The following ZNF229 variants were observed in gnomAD, a reference collection of about 807,000 sequenced individuals.
The protein encoded by ZNF229 is zinc finger protein 229.
In ZNF229, 10 loss-of-function variants were observed where a neutral mutation model predicts 11.8. That is an observed-to-expected ratio of 0.85 (90% CI 0.52 to 1.44). ZNF229 has a LOEUF of 1.44. Ranked by LOEUF, ZNF229 falls within the 40% of genes most tolerant of loss-of-function variation. The probability of loss-of-function intolerance (pLI) is 0.00; values close to 1 mark genes in which losing one functional copy is unlikely to be tolerated. For synonymous variants in ZNF229, 368 were observed against 374.8 expected, an observed-to-expected ratio of 0.98 and a Z score of 0.21; for missense variants, 1,045 against 1,015.1, an observed-to-expected ratio of 1.03 and a Z score of -0.40.
intron 2 of ZNF229, among the ~76,000 whole-genome samples, chr19:44,445,145 C>T (rs1473951155): frequency 1.3e-5 from 2 of 152,184 alleles, no homozygotes; most frequent in Non-Finnish European, 2.9e-5. Flanking sequence ...TCGTACTCTA[C>T]ATCCAATCCA....
chr19:44,440,924 CAT>C (rs1176866388), intron 4 of ZNF229, among the ~76,000 whole-genome samples: 1 of 151,958 alleles, frequency 6.6e-6, no homozygotes, highest in Non-Finnish European at 1.5e-5. Context: ...AAGATTTTAC[CAT>C]GTTGCCCAGG....
At chr19:44,436,636 A>G (rs1452734658) in intron 4 of ZNF229, among the ~76,000 whole-genome samples, 1 of 151,720 alleles carries the variant, frequency 6.6e-6, no homozygotes, top group Non-Finnish European at 1.5e-5. Context: ...AAAATAAGCT[A>G]GGTGTGATGG....
Position 44,428,592 on chromosome 19 carries a change from T to C in ZNF229, c.2189A>G (p.His730Arg), listed in dbSNP as rs745398884. Reference sequence around the variant, plus strand: ...CTTCTCGCCAGTGTGCACTCTCTTATGACTAAGGAGACCTGAGCCATATCT... The same window carrying C: ...CTTCTCGCCAGTGTGCACTCTCTTACGACTAAGGAGACCTGAGCCATATCT... ...GFRYGSGLLS[H>R]KRVHTGEKPY... The change falls in exon 6 of 6, where the codon CAT becomes CGT. Residue 730 changes from histidine to arginine, a missense_variant. By Grantham distance (29) the His-to-Arg change is conservative (BLOSUM62 0). Transcript: ENST00000614049. 6.2e-7 allele frequency: 1 copy of C among 1,613,822 alleles called. No individual in the cohort carries two copies. The highest frequency in any genetic ancestry group is 1.3e-5 in the African/African-American group (1 of 74,802).
chr19:44,429,648 T>G lies in ZNF229; in HGVS notation c.1133A>C (p.Lys378Thr). 1.2e-6 allele frequency: 2 copies of G among 1,614,074 alleles called. No homozygotes were observed. Among genetic ancestry groups the G allele is most frequent in the Non-Finnish European group, 8.5e-7 (1 of 1,180,006 alleles). Residue 378 changes from lysine to threonine, a missense_variant, in exon 6 of 6, where the codon AAA becomes ACA. Transcript: ENST00000614049. The stretch of plus-strand genomic sequence containing the variant: ...AAATGCCTTCCCACACTCCTCACAT[T>G]TATAGGGTCTCCTTCCTGTGTGCAC... ...QGVHTGRRPY[K>T]CEECGKAFGR...
chr19:44,429,612 G>T lies in ZNF229; in HGVS notation c.1169C>A (p.Ser390Ter). The T allele has an allele frequency of 6.2e-7, 1 of 1,614,116 alleles. No individual in the cohort carries two copies. Among genetic ancestry groups the T allele is most frequent in the South Asian group, 1.1e-5 (1 of 91,082 alleles). Residue 390 changes from serine (S) to a stop codon, truncating the protein, a stop_gained, in exon 6 of 6, where the codon TCA becomes TAA. Coordinates refer to ENST00000614049, the MANE Select transcript of ZNF229 (RefSeq NM_014518.4). LOFTEE classifies it low-confidence loss of function (END_TRUNC). The part of the protein sequence containing the change: ...EECGKAFGRS[S>*]NLLVHQRVHT... ...GACCCTCTGATGGACAAGCAGGTTT[G>T]AACTTCGACCAAATGCCTTCCCACA...
chr19:44,431,141 A>G (rs1400599403), intron 5 of ZNF229, among the ~76,000 whole-genome samples: 1 of 152,008 alleles, frequency 6.6e-6, no homozygotes, highest in Non-Finnish European at 1.5e-5. Flanking sequence ...AGGGTGCCAA[A>G]TTTTCCAAAG....
chr19:44,428,492 A>G lies in ZNF229; in HGVS notation c.2289T>C (p.Thr763=). The change falls in exon 6 of 6, where the codon ACT becomes ACC. Residue 763 remains threonine (T), a synonymous_variant. Transcript: ENST00000614049. ...SHLQGHQRVH[T]GEKPYKCEEC... is the part of the protein sequence containing the mutation. ...CCTCACATTTATAGGGTTTCTCACCAGTGTGGACCCTCTGATGACCTTGAA... is the reference window on the plus strand; with the variant it reads ...CCTCACATTTATAGGGTTTCTCACCGGTGTGGACCCTCTGATGACCTTGAA... The G allele has an allele frequency of 6.2e-7, 1 of 1,613,668 alleles. No homozygotes were observed. The highest frequency in any genetic ancestry group is 1.1e-5 in the South Asian group (1 of 91,042).
At chr19:44,446,080 G>A (rs1329904341) in intron 2 of ZNF229, among the ~76,000 whole-genome samples, 2 of 152,184 alleles carry the variant, frequency 1.3e-5, no homozygotes, top group Admixed American at 1.3e-4. Flanking sequence ...TACATTTCTG[G>A]ACTGCATGGA....
At chr19:44,431,353 T>C (rs1331534983) in intron 5 of ZNF229, among the ~76,000 whole-genome samples, 1 of 152,170 alleles carries the variant, frequency 6.6e-6, no homozygotes, top group Non-Finnish European at 1.5e-5. Context: ...TTTCTGATAT[T>C]CTTTATTGCC....
At chr19:44,444,373 C>A (rs1971969907) in intron 2 of ZNF229, among the ~76,000 whole-genome samples, 1 of 152,208 alleles carries the variant, frequency 6.6e-6, no homozygotes, top group Non-Finnish European at 1.5e-5. Context: ...CTCTAACCAT[C>A]TGTACCAGCC....
rs1434710866 is a variant in ZNF229, at chr19:44,428,735, C to T, written c.2046G>A (p.Lys682=). 2.5e-6 allele frequency: 4 copies of T among 1,613,734 alleles called. No homozygotes were observed. Among genetic ancestry groups the T allele is most frequent in the Non-Finnish European group, 2.5e-6 (3 of 1,179,998 alleles). Residue 682 remains lysine, a synonymous_variant, in exon 6 of 6, where the codon AAG becomes AAA. Transcript: ENST00000614049. The part of the protein sequence containing the change: ...HKHQRVHTGK[K]PYTCDQCGKG... ...TGCCACACTGATCACACGTATAGGG[C>T]TTTTTTCCCGTGTGGACTCGCTGAT...
intron 4 of ZNF229, 85 bp downstream of exon 4, chr19:44,442,478 T>C: frequency 6.9e-7 from 1 of 1,450,704 alleles, no homozygotes; most frequent in South Asian, 1.2e-5. Flanking sequence ...CATTTTTCGC[T>C]CTTTTTCCTT....
At chr19:44,443,099 C>G (rs2123379958) in intron 2 of ZNF229, 75 bp from the exon 3 acceptor site, 2 of 573,566 alleles carry the variant, frequency 3.5e-6, no homozygotes, top group East Asian at 5.7e-5. Flanking sequence ...CCCCTGGATA[C>G]TATTCATTCA....
chr19:44,430,286 A>C lies in ZNF229; in HGVS notation c.495T>G (p.Leu165=). The C allele has an allele frequency of 1.2e-6, 2 of 1,614,118 alleles. No homozygotes were observed. The highest frequency in any genetic ancestry group is 1.7e-6 in the Non-Finnish European group (2 of 1,180,042). The part of the protein sequence containing the change: ...NFLDSLQGDG[L]IGLENQQFPA... The stretch of plus-strand genomic sequence containing the variant: ...GAAACTGTTGATTTTCTAGACCGAT[A>C]AGCCCATCCCCTTGTAGACTGTCCA... Residue 165 remains leucine (L), a synonymous_variant, in exon 6 of 6, where the codon CTT becomes CTG. Transcript: ENST00000614049.
chr19:44,436,131 C>T (rs759119428), intron 4 of ZNF229, among the ~76,000 whole-genome samples: 32 of 152,226 alleles, frequency 2.1e-4, no homozygotes, highest in Non-Finnish European at 2.1e-4. Flanking sequence ...CATGTTGGCC[C>T]GGACTCGGAC....
intron 4 of ZNF229, among the ~76,000 whole-genome samples, chr19:44,434,963 A>G (rs1178103720): frequency 1.3e-5 from 2 of 152,086 alleles, no homozygotes; most frequent in Non-Finnish European, 1.5e-5. Context: ...TAAGTCTCAC[A>G]AGATCTGATG....
rs1032915573 is a variant in ZNF229, at chr19:44,427,024, T to C, written c.*1279A>G. The stretch of plus-strand genomic sequence containing the variant: ...ACGCAAAAGAGAAATAAGGACCTTC[T>C]TCACAAGGGGACAGGAGAGAGACAG... On this transcript the variant is annotated 3_prime_UTR_variant, in exon 6 of 6. Transcript: ENST00000614049. 2 of 152,084 alleles carry C rather than the reference T, an allele frequency of 1.3e-5. No individual in the cohort carries two copies. The highest frequency in any genetic ancestry group is 2.9e-5 in the Non-Finnish European group (2 of 68,054). 9.4% of individuals were successfully genotyped at this position (152,084 alleles called of 1,614,324 possible). A position where few individuals can be genotyped will look rare whatever the true frequency, so the allele number is the denominator to read the frequency against.
Position 44,428,167 on chromosome 19 carries a change from A to G in ZNF229, c.*136T>C, listed in dbSNP as rs1232937309. ...TCACACATCCAGGTGTTCCCTTCCT[A>G]TGCAGACTAGAAAATGTAAAATCAT... On this transcript the variant is annotated 3_prime_UTR_variant, in exon 6 of 6. Coordinates refer to ENST00000614049, the MANE Select transcript of ZNF229 (RefSeq NM_014518.4). 1.0e-6 allele frequency: 1 copy of G among 970,348 alleles called. No homozygotes were observed. Among genetic ancestry groups the G allele is most frequent in the Admixed American group, 2.9e-5 (1 of 35,086 alleles). 60.1% of individuals were successfully genotyped at this position (970,348 alleles called of 1,614,324 possible).
chr19:44,432,035 G>A, intron 5 of ZNF229, 187 bp downstream of exon 5: 1 of 1,201,466 alleles, frequency 8.3e-7, no homozygotes, highest in Non-Finnish European at 1.1e-6. Flanking sequence ...AACTATGCTG[G>A]CACCCTGATC....
Sources: allele counts gnomAD v4.1 joint callset (sites outside exome capture counted in the v4.1 genomes callset), GRCh38; gene constraint gnomAD v4.1.1; transcripts MANE v1.5; gene names NCBI Gene and HGNC (gene_info 2026-07-23, HGNC 2026-07-21).